The following CDC14A variants were observed in gnomAD, a reference collection of about 807,000 sequenced individuals.
CDC14A encodes the protein cell division cycle 14A.
CDC14A carries 53 observed loss-of-function variants against 74.4 expected under a neutral mutation model. The ratio of observed to expected loss-of-function variants is 0.71; its 90% confidence interval spans 0.57 to 0.89. The LOEUF is 0.89. CDC14A is among the 40% of genes least tolerant of loss of function. CDC14A has a pLI of 0.00. For missense variants in CDC14A, 646 were observed against 713.7 expected (o/e 0.91, Z 1.08); for synonymous variants, 247 against 258.4 (o/e 0.96, Z 0.43).
chr1:100,508,158 C>T lies in CDC14A; in HGVS notation c.1755+8896C>T, dbSNP rs940633132. Among the ~76,000 whole-genome samples, 4 of 152,088 alleles carry T rather than the reference C, an allele frequency of 2.6e-5. No homozygotes were observed. Among genetic ancestry groups the T allele is most frequent in the Non-Finnish European group, 4.4e-5 (3 of 68,012 alleles). On this transcript the variant is annotated intron_variant, in intron 15 of 15. Transcript: ENST00000336454. This position sits in a 1 kb window ranked among gnomAD's most constrained non-coding sequence, Gnocchi z 4.4. ...TGGAGTATATCCCCCAATCCACTGA[C>T]CTTTGATTTCAGGGGCTATATCTTT...
At chr1:100,356,858 T>TA (rs11448846) in intron 2 of CDC14A, among the ~76,000 whole-genome samples, 23,776 of 70,430 alleles carry the variant, frequency 0.34, 4,041 homozygotes, top group Non-Finnish European at 0.4. Flanking sequence ...AGACTCTGTC[T>TA]AAAAAAAAAA....
At chr1:100,444,918 T>G (rs1665367424) in intron 7 of CDC14A, among the ~76,000 whole-genome samples, 1 of 152,158 alleles carries the variant, frequency 6.6e-6, no homozygotes, top group Non-Finnish European at 1.5e-5. Flanking sequence ...TTTAATGCAA[T>G]TTATGAAAAA....
chr1:100,502,095 A>C (rs1373093202), intron 15 of CDC14A, among the ~76,000 whole-genome samples: 1 of 152,228 alleles, frequency 6.6e-6, no homozygotes, highest in Non-Finnish European at 1.5e-5. Context: ...AAAATGTTAC[A>C]GTAAGCTAAG....
At chr1:100,492,740 A>AT (rs202033249) in intron 11 of CDC14A, among the ~76,000 whole-genome samples, 2,748 of 152,206 alleles carry the variant, frequency 0.018, 38 homozygotes, top group Non-Finnish European at 0.028. Flanking sequence ...ACAATTTTAA[A>AT]TTTTTTCAAA....
At chr1:100,427,624 G>A (rs1453553766) in intron 5 of CDC14A, among the ~76,000 whole-genome samples, 2 of 152,110 alleles carry the variant, frequency 1.3e-5, no homozygotes, top group Non-Finnish European at 2.9e-5. Flanking sequence ...TGTTTGCATG[G>A]CTGACTCTTC....
In CDC14A at chr1:100,495,996, C is replaced by G. The variant is rs771591171; in HGVS notation, c.1251-6C>G. The G allele has an allele frequency of 6.2e-7, 1 of 1,613,376 alleles. No individual in the cohort carries two copies. Among genetic ancestry groups the G allele is most frequent in the South Asian group, 1.1e-5 (1 of 91,064 alleles). ...ATATGTGAGCATCTGTCTTTGATTT[C>G]CGCAGGTCAGATGATACAAAAGGAC... On this transcript the variant is annotated splice_region_variant and splice_polypyrimidine_tract_variant and intron_variant, in intron 12 of 15. Coordinates refer to ENST00000336454, the MANE Select transcript of CDC14A (RefSeq NM_003672.4).
upstream of CDC14A, among the ~76,000 whole-genome samples, chr1:100,351,983 T>G (rs1651072642): frequency 8.5e-6 from 1 of 117,154 alleles, no homozygotes; most frequent in Non-Finnish European, 1.5e-5. Flanking sequence ...AGTGTGTGTG[T>G]GTGTGTGTGT....
At chr1:100,489,659 T>G (rs1324407459) in intron 11 of CDC14A, among the ~76,000 whole-genome samples, 5 of 152,090 alleles carry the variant, frequency 3.3e-5, no homozygotes. Context: ...ATCATTTTCT[T>G]GCCTTCATGT....
intron 5 of CDC14A, among the ~76,000 whole-genome samples, chr1:100,435,425 G>A (rs1571185180): frequency 6.6e-6 from 1 of 152,294 alleles, no homozygotes; most frequent in South Asian, 2.1e-4. Context: ...GGGAGTGACT[G>A]CAAATGAGTC....
rs1571338550 is a variant in CDC14A, at chr1:100,494,786, G to T, written c.1138-32G>T. ...AGAAACCTATATAAAGCCAAATTTT[G>T]ACCTTTCTATGGAACGTGTATTTTT... is the stretch of plus-strand genomic sequence containing the variant. On this transcript the variant is annotated intron_variant, in intron 11 of 15. Coordinates refer to ENST00000336454, the MANE Select transcript of CDC14A (RefSeq NM_003672.4). The T allele has an allele frequency of 3.9e-6, 5 of 1,292,686 alleles. No individual in the cohort carries two copies. In the East Asian group the frequency reaches 1.2e-4, roughly 30 times the overall value. 80.1% of individuals were successfully genotyped at this position (1,292,686 alleles called of 1,614,324 possible).
In CDC14A at chr1:100,442,948, A is replaced by G. The variant is rs138318034; in HGVS notation, c.471A>G (p.Gly157=). The change falls in exon 7 of 16, where the codon GGA becomes GGG. Residue 157 remains glycine (G), a synonymous_variant. Transcript: ENST00000336454. ...LQGIRKGLQH[G]FFDFETFDVD... is the part of the protein sequence containing the mutation. Reference sequence around the variant, plus strand: ...TCTGCTTTTAGGGATTACAACATGGATTTTTTGACTTTGAGACATTTGATG... The same window carrying G: ...TCTGCTTTTAGGGATTACAACATGGGTTTTTTGACTTTGAGACATTTGATG... 1 of 1,603,190 alleles carries G rather than the reference A, an allele frequency of 6.2e-7. No individual in the cohort carries two copies. Among genetic ancestry groups the G allele is most frequent in the Non-Finnish European group, 8.5e-7 (1 of 1,170,768 alleles).
At chr1:100,461,033 A>C (rs1251613744) in intron 8 of CDC14A, among the ~76,000 whole-genome samples, 1 of 152,242 alleles carries the variant, frequency 6.6e-6, no homozygotes, top group Non-Finnish European at 1.5e-5. Flanking sequence ...TAATACAAGG[A>C]GTTTATTTCA....
chr1:100,402,279 C>T (rs983559373), intron 4 of CDC14A, among the ~76,000 whole-genome samples: 4 of 152,064 alleles, frequency 2.6e-5, no homozygotes, highest in Admixed American at 6.6e-5. Context: ...TGGCATTTAC[C>T]CGAGTGAGGA....
At chr1:100,376,700 A>G (rs1655310176) in intron 2 of CDC14A, among the ~76,000 whole-genome samples, 1 of 152,144 alleles carries the variant, frequency 6.6e-6, no homozygotes, top group Non-Finnish European at 1.5e-5. Flanking sequence ...CAGATTGATG[A>G]CTGTATCCTG....
intron 5 of CDC14A, among the ~76,000 whole-genome samples, chr1:100,431,147 G>A (rs1160911307): frequency 6.6e-6 from 1 of 152,154 alleles, no homozygotes; most frequent in Non-Finnish European, 1.5e-5. Context: ...AGTAAGCTCC[G>A]CTATACAGGA....
chr1:100,446,648 AT>A (rs57522935), intron 7 of CDC14A, among the ~76,000 whole-genome samples: 143,866 of 152,158 alleles, frequency 0.95, 68,080 homozygotes, highest in African/African-American at 0.98. Flanking sequence ...TGTATTTTGC[AT>A]TTTTTTTTGA....
At chr1:100,361,901 G>A (rs374175569) in intron 2 of CDC14A, among the ~76,000 whole-genome samples, 5 of 152,212 alleles carry the variant, frequency 3.3e-5, no homozygotes, top group African/African-American at 1.2e-4. Context: ...GGTTGCAGCA[G>A]TGGGGAAAGA....
chr1:100,422,644 C>T (rs527837411), intron 4 of CDC14A, among the ~76,000 whole-genome samples: 34 of 152,284 alleles, frequency 2.2e-4, no homozygotes, highest in African/African-American at 7.5e-4. Flanking sequence ...TGCCTCTTGT[C>T]TGGCAGCACT....
rs537749305 is a variant in CDC14A, at chr1:100,389,171, A to G, written c.217-1561A>G. Among the ~76,000 whole-genome samples, 159 of 119,268 alleles carry G rather than the reference A, an allele frequency of 1.3e-3. 1 individual carries two copies. Among genetic ancestry groups the G allele is most frequent in the Non-Finnish European group, 2.1e-3 (126 of 59,826 alleles). The allele number at this position is 119,268 out of a possible 152,430, so 78.2% of individuals were successfully genotyped here. The stretch of plus-strand genomic sequence containing the variant: ...CCTGGGTGCTGGGTGACAGAGCAAG[A>G]CCCTGTCTCAAAAAAAAAAAAAAAA... On this transcript the variant is annotated intron_variant, in intron 3 of 15. Transcript: ENST00000336454.
Sources: gnomAD v4.1 joint callset for allele counts (sites outside exome capture counted in the v4.1 genomes callset) on GRCh38, gnomAD v4.1.1 for gene constraint, Gnocchi (gnomAD v3.1) non-coding constraint, MANE v1.5 for transcripts, NCBI Gene and HGNC (gene_info 2026-07-23, HGNC 2026-07-21) for gene names.